Variants in DGKB observed in about 807,000 individuals in gnomAD.
DGKB encodes the protein 90 kDa diacylglycerol kinase.
DGKB carries 67 observed loss-of-function variants against 114.3 expected under a neutral mutation model. That is an observed-to-expected ratio of 0.59 (90% CI 0.48 to 0.72). The LOEUF is 0.72. Ranked by LOEUF, DGKB falls within the 30% of genes least tolerant of loss-of-function variation. The pLI, the probability that DGKB is intolerant of heterozygous loss-of-function variation, is 0.00. For missense variants in DGKB, 907 were observed against 975.2 expected, an observed-to-expected ratio of 0.93 and a Z score of 0.93; for synonymous variants, 398 against 323.1, an observed-to-expected ratio of 1.23 and a Z score of -2.49.
chr7:14,864,335 C>T (rs1851416197), intron 1 of DGKB, among the ~76,000 whole-genome samples: 1 of 152,208 alleles, frequency 6.6e-6, no homozygotes, highest in South Asian at 2.1e-4. Flanking sequence ...CATACAAACA[C>T]ACCCATGTAA....
intron 15 of DGKB, among the ~76,000 whole-genome samples, chr7:14,615,091 C>T (rs752753094): frequency 1.1e-4 from 17 of 152,062 alleles, no homozygotes; most frequent in Middle Eastern, 3.4e-3. Context: ...AAACTCCTAA[C>T]GTTTTCATAA....
chr7:14,174,806 C>A (rs372654927), intron 25 of DGKB, among the ~76,000 whole-genome samples: 3 of 152,254 alleles, frequency 2.0e-5, no homozygotes, highest in African/African-American at 4.8e-5. Flanking sequence ...CCATCACCAT[C>A]ATTAAAAACA....
intron 14 of DGKB, among the ~76,000 whole-genome samples, chr7:14,625,418 A>C (rs927202833): frequency 5.9e-5 from 9 of 152,158 alleles, no homozygotes; most frequent in Non-Finnish European, 1.2e-4. Flanking sequence ...TTTCCTGTCC[A>C]CCAGGTTTCA....
chr7:14,790,304 C>T (rs1380173107), intron 2 of DGKB, among the ~76,000 whole-genome samples: 1 of 152,086 alleles, frequency 6.6e-6, no homozygotes, highest in Non-Finnish European at 1.5e-5. Flanking sequence ...TTGATGAAGT[C>T]CAATTTATTT....
chr7:14,639,511 G>A (rs577412197), intron 13 of DGKB, among the ~76,000 whole-genome samples: 36 of 152,256 alleles, frequency 2.4e-4, no homozygotes, highest in African/African-American at 7.7e-4. Context: ...GCTTGCAGCC[G>A]TCCCTAAGAA....
At chr7:14,643,239 G>C (rs1812175951) in intron 13 of DGKB, among the ~76,000 whole-genome samples, 1 of 152,168 alleles carries the variant, frequency 6.6e-6, no homozygotes, top group African/African-American at 2.4e-5. Flanking sequence ...AGATTCCCCA[G>C]CCATCTACAT....
chr7:14,556,848 A>T (rs1172065387), intron 20 of DGKB, among the ~76,000 whole-genome samples: 1 of 152,196 alleles, frequency 6.6e-6, no homozygotes, highest in Admixed American at 6.5e-5. Flanking sequence ...ATGTAAAATG[A>T]ATTGGAGAAA....
intron 1 of DGKB, among the ~76,000 whole-genome samples, chr7:14,901,583 G>C (rs217599): frequency 0.9 from 133,301 of 148,192 alleles, 60,063 homozygotes; most frequent in East Asian, 1. Flanking sequence ...TGTAATATAT[G>C]CTTTCTGTTT....
At chr7:14,231,081 CCCTTTCTTTCTT>C (rs1006954570) in intron 23 of DGKB, among the ~76,000 whole-genome samples, 8 of 135,402 alleles carry the variant, frequency 5.9e-5, no homozygotes, top group South Asian at 2.4e-4. Flanking sequence ...TTTCTTCTTT[CCCTTTCTTTCTT>C]TCTTTCTTTC....
intron 2 of DGKB, among the ~76,000 whole-genome samples, chr7:14,787,521 C>T (rs1043576141): frequency 1.2e-4 from 18 of 152,136 alleles, no homozygotes; most frequent in Non-Finnish European, 1.5e-5. Flanking sequence ...CATTGTTTCA[C>T]CACTGACAGA....
At chr7:14,320,369 A>G (rs975751252) in intron 23 of DGKB, among the ~76,000 whole-genome samples, 1 of 152,130 alleles carries the variant, frequency 6.6e-6, no homozygotes, top group African/African-American at 2.4e-5. Flanking sequence ...CCATATTTAT[A>G]GAGTCCAAGT....
intron 4 of DGKB, among the ~76,000 whole-genome samples, chr7:14,739,964 C>A (rs1250893088): frequency 6.6e-6 from 1 of 152,252 alleles, no homozygotes; most frequent in East Asian, 1.9e-4. Context: ...GGGCACATGG[C>A]CGTGTGTCTG....
Position 14,304,087 on chromosome 7 carries a change from A to ACACACTCT in DGKB, c.2122+34427_2122+34428insAGAGTGTG, listed in dbSNP as rs140836395. Among the ~76,000 whole-genome samples the ACACACTCT allele has an allele frequency of 8.1e-3, 891 of 110,078 alleles. 1 individual carries two copies. Among genetic ancestry groups the ACACACTCT allele is most frequent in the African/African-American group, 0.011 (303 of 27,498 alleles). The allele number at this position is 110,078 out of a possible 152,430, so 72.2% of individuals were successfully genotyped here. A position where few individuals can be genotyped will look rare whatever the true frequency, so the allele number is the denominator to read the frequency against. ...CACACACACACACACACACACACAC[A>ACACACTCT]CTCTCTCTCTCTCACCCCTACCTCA... On this transcript the variant is annotated intron_variant, in intron 23 of 25. Transcript: ENST00000402815.
intron 20 of DGKB, among the ~76,000 whole-genome samples, chr7:14,479,295 T>C (rs1052650991): frequency 1.3e-5 from 2 of 152,158 alleles, no homozygotes; most frequent in Admixed American, 6.6e-5. Flanking sequence ...GAAAGGCTAA[T>C]GTGCTTACTC....
intron 21 of DGKB, among the ~76,000 whole-genome samples, chr7:14,451,814 C>T (rs1831553326): frequency 6.6e-6 from 1 of 152,036 alleles, no homozygotes; most frequent in South Asian, 2.1e-4. Context: ...TTTACTTAAT[C>T]AGTGAGATGC....
intron 12 of DGKB, among the ~76,000 whole-genome samples, chr7:14,680,896 A>C (rs1321724189): frequency 6.6e-6 from 1 of 152,054 alleles, no homozygotes; most frequent in East Asian, 1.9e-4. Flanking sequence ...AAAAAAGAAA[A>C]TATGAATAAT....
chr7:14,587,703 G>A (rs779678401), intron 17 of DGKB, among the ~76,000 whole-genome samples: 1 of 152,032 alleles, frequency 6.6e-6, no homozygotes, highest in Non-Finnish European at 1.5e-5. Flanking sequence ...TGATCATTTG[G>A]TTCCCATTAA....
chr7:14,951,306 C>CGGATAAACACAACCAAGATATCCTTTAAT (rs1786189302), intron 1 of DGKB, among the ~76,000 whole-genome samples: 1 of 152,026 alleles, frequency 6.6e-6, no homozygotes, highest in Admixed American at 6.6e-5. Flanking sequence ...TATCCTTTAA[C>CGGATAAACACAACCAAGATATCCTTTAAT]GGGTGAACGG....
intron 21 of DGKB, among the ~76,000 whole-genome samples, chr7:14,475,148 T>A (rs1781978942): frequency 6.6e-6 from 1 of 152,150 alleles, no homozygotes; most frequent in African/African-American, 2.4e-5. Context: ...AATTTCAAGG[T>A]GAGCATGCTA....
Sources: allele counts gnomAD v4.1 joint callset (sites outside exome capture counted in the v4.1 genomes callset), GRCh38; gene constraint gnomAD v4.1.1; transcripts MANE v1.5; gene names NCBI Gene and HGNC (gene_info 2026-07-23, HGNC 2026-07-21).